Variants in IL1RAPL2 observed in about 807,000 individuals in gnomAD.
IL1RAPL2 encodes interleukin 1 receptor accessory protein like 2.
Under a neutral mutation model 44.1 loss-of-function variants are expected in IL1RAPL2, and 3 were observed. The observed-to-expected ratio is 0.07, with a 90% CI of 0.03 to 0.18. The LOEUF (loss-of-function observed/expected upper bound fraction) is 0.18. Among genes scored for constraint, IL1RAPL2 ranks in the 10% least tolerant of loss-of-function variants. IL1RAPL2 has a pLI of 1.00. For missense variants in IL1RAPL2, 391 were observed against 496.4 expected, an observed-to-expected ratio of 0.79 and a Z score of 2.02; for synonymous variants, 181 against 178.8, an observed-to-expected ratio of 1.01 and a Z score of -0.10.
chrX:104,698,660 G>T (rs1176889020), intron 2 of IL1RAPL2, among the ~76,000 whole-genome samples: 1 of 112,075 alleles, frequency 8.9e-6, no homozygotes, highest in Non-Finnish European at 1.9e-5. Flanking sequence ...AAGGATATTG[G>T]AACAAGTACA....
At chrX:104,959,971 A>G (rs2029973784) in intron 2 of IL1RAPL2, among the ~76,000 whole-genome samples, 1 of 111,933 alleles carries the variant, frequency 8.9e-6, no homozygotes, top group Non-Finnish European at 1.9e-5. Context: ...AATATTTTAC[A>G]TTTAGTTATC....
intron 5 of IL1RAPL2, among the ~76,000 whole-genome samples, chrX:105,425,489 T>A (rs1176763417): frequency 2.7e-4 from 21 of 79,244 alleles, no homozygotes; most frequent in African/African-American, 9.8e-4. Flanking sequence ...CTCTTTTAAC[T>A]TTTTTTTTTT....
Position 105,411,272 on chromosome X carries a change from A to G in IL1RAPL2, c.698-73041A>G, listed in dbSNP as rs1298068928. ...AAAGGAGCAAATGATCTATAAAACA[A>G]CCAGAAAACAATAAACTGGCAGAAG... On this transcript the variant is annotated intron_variant, in intron 5 of 10. Coordinates refer to ENST00000372582, the MANE Select transcript of IL1RAPL2 (RefSeq NM_017416.2). Among the ~76,000 whole-genome samples the G allele has an allele frequency of 4.5e-5, 5 of 111,780 alleles. No homozygotes were observed. In the East Asian group the frequency reaches 1.1e-3, roughly 25 times the overall value.
At chrX:105,232,150 A>G (rs961103097) in intron 3 of IL1RAPL2, among the ~76,000 whole-genome samples, 8 of 111,797 alleles carry the variant, frequency 7.2e-5, no homozygotes, top group Non-Finnish European at 1.9e-5. Flanking sequence ...TTCTCAGATG[A>G]CACAGGCCTG....
At chrX:105,602,798 GA>G (rs550412686) in intron 6 of IL1RAPL2, among the ~76,000 whole-genome samples, 3,744 of 85,035 alleles carry the variant, frequency 0.044, 170 homozygotes, top group African/African-American at 0.14. Flanking sequence ...AGTACCAAAA[GA>G]AAAAAAAAAA....
At chrX:105,766,571 T>C (rs2038731544) in intron 10 of IL1RAPL2, among the ~76,000 whole-genome samples, 1 of 111,265 alleles carries the variant, frequency 9.0e-6, no homozygotes, top group Non-Finnish European at 1.9e-5. Flanking sequence ...ACAAAACCCA[T>C]AAATACAGTA....
chrX:105,524,452 G>A (rs747794394), intron 6 of IL1RAPL2, among the ~76,000 whole-genome samples: 1 of 109,711 alleles, frequency 9.1e-6, no homozygotes, highest in African/African-American at 3.3e-5. Context: ...AGTTATTCTC[G>A]GCAGATTAAC....
chrX:105,359,658 A>G (rs925746826), intron 5 of IL1RAPL2, among the ~76,000 whole-genome samples: 2 of 110,661 alleles, frequency 1.8e-5, no homozygotes, highest in Admixed American at 9.7e-5. Context: ...AAATGGTGGC[A>G]GTAGATTATG....
intron 6 of IL1RAPL2, among the ~76,000 whole-genome samples, chrX:105,491,034 A>G: frequency 8.9e-6 from 1 of 111,818 alleles, no homozygotes; most frequent in Non-Finnish European, 1.9e-5. Context: ...TAAATTGTCC[A>G]CCATTTGCTT....
intron 2 of IL1RAPL2, among the ~76,000 whole-genome samples, chrX:104,981,057 G>T (rs778920512): frequency 2.7e-5 from 1 of 37,527 alleles, no homozygotes; most frequent in African/African-American, 8.9e-5. Flanking sequence ...CCAAGGTATT[G>T]TGTGTGTGTG....
At chrX:104,868,449 C>T (rs192341424) in intron 2 of IL1RAPL2, among the ~76,000 whole-genome samples, 21 of 111,839 alleles carry the variant, frequency 1.9e-4, no homozygotes, top group African/African-American at 5.8e-4. Context: ...ACGAAAACAA[C>T]GGACCCATTC....
At chrX:104,985,102 T>G (rs1383216164) in intron 2 of IL1RAPL2, among the ~76,000 whole-genome samples, 1 of 110,590 alleles carries the variant, frequency 9.0e-6, no homozygotes, top group Non-Finnish European at 1.9e-5. Flanking sequence ...TTATTTTTTT[T>G]TTTGAGATGG....
At chrX:104,654,380 T>C (rs1037467683) in intron 1 of IL1RAPL2, among the ~76,000 whole-genome samples, 1 of 110,624 alleles carries the variant, frequency 9.0e-6, no homozygotes, top group African/African-American at 3.3e-5. Flanking sequence ...ACATGTAGGA[T>C]GTTAAGAAAC....
chrX:105,418,547 A>G (rs1225874929), intron 5 of IL1RAPL2, among the ~76,000 whole-genome samples: 2 of 111,987 alleles, frequency 1.8e-5, no homozygotes, highest in East Asian at 2.8e-4. Context: ...TAATAATATC[A>G]TGTATAACTA....
chrX:105,224,774 G>A (rs1473447993), intron 3 of IL1RAPL2, among the ~76,000 whole-genome samples: 3 of 111,826 alleles, frequency 2.7e-5, no homozygotes, highest in Non-Finnish European at 3.8e-5. Context: ...CAGAGAAAGA[G>A]TGAGGAAGTG....
At chrX:105,453,912 A>G (rs1442358887) in intron 5 of IL1RAPL2, among the ~76,000 whole-genome samples, 1 of 112,068 alleles carries the variant, frequency 8.9e-6, no homozygotes, top group Non-Finnish European at 1.9e-5. Flanking sequence ...ATGCCTGACT[A>G]GAGGTGCTCA....
intron 1 of IL1RAPL2, among the ~76,000 whole-genome samples, chrX:104,654,645 T>A (rs766890097): frequency 3.0e-4 from 34 of 111,688 alleles, no homozygotes; most frequent in Non-Finnish European, 4.9e-4. Context: ...AGGATTGTCT[T>A]GGCAATGTGG....
intron 5 of IL1RAPL2, among the ~76,000 whole-genome samples, chrX:105,474,930 C>A (rs1344746054): frequency 9.1e-6 from 1 of 109,983 alleles, no homozygotes; most frequent in African/African-American, 3.3e-5. Context: ...GTGGCTATGA[C>A]CTTGGACTCA....
chrX:105,678,116 A>AAAAG (rs1243343477), intron 6 of IL1RAPL2, among the ~76,000 whole-genome samples: 1 of 112,245 alleles, frequency 8.9e-6, no homozygotes. Flanking sequence ...GAATAATAAA[A>AAAAG]AAAGAGAGAA....
Sources: allele counts gnomAD v4.1 joint callset (sites outside exome capture counted in the v4.1 genomes callset), GRCh38; gene constraint gnomAD v4.1.1; transcripts MANE v1.5; gene names NCBI Gene and HGNC (gene_info 2026-07-23, HGNC 2026-07-21).